PDE7B: variants seen among roughly 807,000 people sequenced by gnomAD.
PDE7B encodes the protein phosphodiesterase 7B.
A neutral mutation model predicts 56.2 loss-of-function variants in PDE7B; 29 were observed. The ratio of observed to expected loss-of-function variants is 0.52; its 90% CI spans 0.38 to 0.70. The LOEUF is 0.70. PDE7B is among the 30% of genes least tolerant of loss of function. PDE7B has a pLI of 0.00. For synonymous variants in PDE7B, 197 were observed against 196.9 expected (o/e 1.00, Z 0.00); for missense variants, 490 against 565.0 (o/e 0.87, Z 1.35).
intron 4 of PDE7B, among the ~76,000 whole-genome samples, chr6:136,148,560 T>A (rs1160182078): frequency 6.6e-6 from 1 of 151,736 alleles, no homozygotes; most frequent in Non-Finnish European, 1.5e-5. Context: ...ATTCCCAATA[T>A]TAGGCCTCCA....
At chr6:136,093,429 T>C (rs929931675) in intron 2 of PDE7B, among the ~76,000 whole-genome samples, 1 of 152,240 alleles carries the variant, frequency 6.6e-6, no homozygotes, top group Middle Eastern at 3.2e-3. Context: ...TCCAGCTTAA[T>C]TAATTTTATG....
intron 1 of PDE7B, among the ~76,000 whole-genome samples, chr6:135,875,815 G>T (rs1775480824): frequency 6.6e-6 from 1 of 152,140 alleles, no homozygotes; most frequent in South Asian, 2.1e-4. Context: ...TGAGCACTTT[G>T]AGGACAATAT....
intron 1 of PDE7B, among the ~76,000 whole-genome samples, chr6:135,865,600 A>G (rs1272203204): frequency 2.0e-5 from 3 of 148,734 alleles, no homozygotes; most frequent in Non-Finnish European, 4.4e-5. Flanking sequence ...GTTATTTTTG[A>G]TGAAGCACTA....
intron 1 of PDE7B, among the ~76,000 whole-genome samples, chr6:135,865,617 G>T (rs1041575324): frequency 9.2e-5 from 2 of 21,754 alleles, no homozygotes; most frequent in Non-Finnish European, 4.0e-4. Context: ...ACTAGGCATT[G>T]TGTGTGTGTG....
intron 3 of PDE7B, chr6:136,112,620 T>A (rs1777767584): frequency 6.6e-6 from 1 of 152,150 alleles, no homozygotes; most frequent in Admixed American, 6.5e-5. Flanking sequence ...TAATGTCTTT[T>A]TTTTTTTCTG....
intron 1 of PDE7B, among the ~76,000 whole-genome samples, chr6:135,940,981 T>C (rs1030762754): frequency 1.3e-5 from 2 of 152,206 alleles, no homozygotes; most frequent in African/African-American, 2.4e-5. Flanking sequence ...GCAATCCCAA[T>C]AGATATATCA....
At chr6:136,133,464 C>T (rs867924425) in intron 3 of PDE7B, among the ~76,000 whole-genome samples, 1 of 152,116 alleles carries the variant, frequency 6.6e-6, no homozygotes, top group South Asian at 2.1e-4. Context: ...GGGGATCATC[C>T]CTGTTATCTG....
chr6:136,003,988 A>G (rs1233511698), intron 2 of PDE7B, among the ~76,000 whole-genome samples: 8 of 152,100 alleles, frequency 5.3e-5, no homozygotes, highest in Non-Finnish European at 1.2e-4. Context: ...GCAGCACATC[A>G]AAAAGCTTAT....
Position 135,956,355 on chromosome 6 carries a change from C to T in PDE7B, c.82+8831C>T, listed in dbSNP as rs1336476367. On this transcript the variant is annotated intron_variant, in intron 2 of 12. Transcript: ENST00000308191. ...CTGTAGAGGTCAAATGAGATAAAGCCTAAAAAGTGTTGCTTGGACTTAGCA... is the reference window on the plus strand; with the variant it reads ...CTGTAGAGGTCAAATGAGATAAAGCTTAAAAAGTGTTGCTTGGACTTAGCA... Among the ~76,000 whole-genome samples the T allele has an allele frequency of 2.0e-5, 3 of 152,114 alleles. No individual in the cohort carries two copies. In the East Asian group the frequency reaches 5.8e-4, roughly 29 times the overall value.
intron 1 of PDE7B, among the ~76,000 whole-genome samples, chr6:135,883,872 A>C (rs773210433): frequency 2.0e-5 from 3 of 152,182 alleles, no homozygotes; most frequent in Non-Finnish European, 4.4e-5. Flanking sequence ...GCTGGCTTCT[A>C]TTAATTATCA....
intron 1 of PDE7B, among the ~76,000 whole-genome samples, chr6:135,909,638 ATATT>A (rs1776177106): frequency 6.6e-6 from 1 of 150,934 alleles, no homozygotes; most frequent in Admixed American, 6.6e-5. Flanking sequence ...AAATAAATAA[ATATT>A]CTCTTTGTAT....
At chr6:136,118,985 A>T (rs960978248) in intron 3 of PDE7B, among the ~76,000 whole-genome samples, 12 of 152,182 alleles carry the variant, frequency 7.9e-5, no homozygotes, top group Non-Finnish European at 1.8e-4. Flanking sequence ...TCATCGCCTG[A>T]CCTTGTGTTC....
rs546724030 is a variant in PDE7B at position 135,990,710 on chromosome 6, C to T, written c.82+43186C>T. Among the ~76,000 whole-genome samples the T allele has an allele frequency of 2.6e-5, 4 of 152,330 alleles. No homozygotes were observed. In the East Asian group the frequency reaches 7.7e-4, roughly 29 times the overall value. ...AAAAAGCAGATTTAAAATGTTCTCA[C>T]CACAAATAAGTGATAAGTATGTGAG... is the stretch of plus-strand genomic sequence containing the variant. On this transcript the variant is annotated intron_variant, in intron 2 of 12. Coordinates refer to ENST00000308191, the MANE Select transcript of PDE7B (RefSeq NM_018945.4).
At chr6:135,868,045 A>G (rs1432133319) in intron 1 of PDE7B, among the ~76,000 whole-genome samples, 1 of 152,228 alleles carries the variant, frequency 6.6e-6, no homozygotes, top group African/African-American at 2.4e-5. Flanking sequence ...AGTCTGATAA[A>G]TTTGACATGC....
chr6:136,126,674 C>A (rs1245974410), intron 3 of PDE7B, among the ~76,000 whole-genome samples: 2 of 152,050 alleles, frequency 1.3e-5, no homozygotes, highest in African/African-American at 4.8e-5. Context: ...GGATTGGAGG[C>A]AATTATTCTA....
chr6:136,035,883 G>A (rs1054354622), intron 2 of PDE7B, among the ~76,000 whole-genome samples: 1 of 152,250 alleles, frequency 6.6e-6, no homozygotes, highest in African/African-American at 2.4e-5. Flanking sequence ...TAGTGTATGT[G>A]ATATATGATA....
chr6:136,016,541 C>G (rs145406074), intron 2 of PDE7B, among the ~76,000 whole-genome samples: 4 of 152,294 alleles, frequency 2.6e-5, no homozygotes, highest in Non-Finnish European at 4.4e-5. Context: ...TATTTTCATT[C>G]TCATTTTCCA....
chr6:135,906,896 G>A (rs1776126569), intron 1 of PDE7B, among the ~76,000 whole-genome samples: 1 of 131,038 alleles, frequency 7.6e-6, no homozygotes. Context: ...GAAATCGTTT[G>A]AGTCTAAATG....
chr6:136,055,741 C>T (rs149217006), intron 2 of PDE7B, among the ~76,000 whole-genome samples: 21 of 152,314 alleles, frequency 1.4e-4, no homozygotes, highest in Admixed American at 5.9e-4. Flanking sequence ...CCTAGATCTG[C>T]AGTCCAGACA....
Sources: allele counts gnomAD v4.1 joint callset (sites outside exome capture counted in the v4.1 genomes callset), GRCh38; gene constraint gnomAD v4.1.1; transcripts MANE v1.5; gene names NCBI Gene and HGNC (gene_info 2026-07-23, HGNC 2026-07-21).